The following MAPK6 variants were observed in gnomAD, a reference collection of about 807,000 sequenced individuals.
MAPK6 encodes ERK-3.
A neutral mutation model predicts 59.3 loss-of-function variants in MAPK6; 19 were observed. That is an observed-to-expected ratio of 0.32 (90% CI 0.22 to 0.47). The LOEUF (loss-of-function observed/expected upper bound fraction) is 0.47, where lower values mean the gene tolerates loss of function less well. MAPK6 is among the 20% of genes least tolerant of loss of function. The pLI, the probability that MAPK6 is intolerant of heterozygous loss-of-function variation, is 1.00. For synonymous variants in MAPK6, 316 were observed against 290.3 expected, an observed-to-expected ratio of 1.09 and a Z score of -0.90; for missense variants, 724 against 847.9, an observed-to-expected ratio of 0.85 and a Z score of 1.81.
chr15:52,046,455 T>C lies in MAPK6; in HGVS notation c.-6T>C. The C allele has an allele frequency of 1.3e-6, 2 of 1,589,010 alleles. No individual in the cohort carries two copies. Among genetic ancestry groups the C allele is most frequent in the Non-Finnish European group, 1.7e-6 (2 of 1,168,234 alleles). Reference sequence around the variant, plus strand: ...GAAAGGAAAAGGCAATAGTAAGGGTTTCAAAATGGCAGAGAAATTTGAAAG... The same window carrying C: ...GAAAGGAAAAGGCAATAGTAAGGGTCTCAAAATGGCAGAGAAATTTGAAAG... On this transcript the variant is annotated 5_prime_UTR_variant, in exon 2 of 6. Transcript: ENST00000261845.
chr15:52,030,611 C>CTTTTTT lies in MAPK6; in HGVS notation c.-632+11260_-632+11265dup, dbSNP rs11295636. On this transcript the variant is annotated intron_variant, in intron 1 of 5. Transcript: ENST00000261845. ...TGTGTTTTAGTTATGCAGAAGAAGG[C>CTTTTTT]TTTTTTTTTTTTTTTTTTTTTTTTT... Among the ~76,000 whole-genome samples the CTTTTTT allele has an allele frequency of 3.6e-4, 13 of 35,742 alleles. 1 individual carries two copies. The highest frequency in any genetic ancestry group is 1.1e-3 in the African/African-American group (10 of 8,778). The allele number at this position is 35,742 out of a possible 152,430, so 23.4% of individuals were successfully genotyped here.
chr15:51,992,583 C>T (rs1002752090), intron 2 of MAPK6, among the ~76,000 whole-genome samples: 4 of 152,008 alleles, frequency 2.6e-5, no homozygotes, highest in South Asian at 4.1e-4. Context: ...GGATTACAAG[C>T]GTGAGCCACC....
chr15:51,978,003 G>A (rs1309088882), intron 1 of MAPK6, among the ~76,000 whole-genome samples: 4 of 151,856 alleles, frequency 2.6e-5, no homozygotes, highest in African/African-American at 9.7e-5. Flanking sequence ...AACTGGTAAG[G>A]TTGCTCAAAT....
chr15:52,002,904 G>A (rs142706382), intron 2 of MAPK6, among the ~76,000 whole-genome samples: 1 of 152,042 alleles, frequency 6.6e-6, no homozygotes, highest in East Asian at 1.9e-4. Context: ...AAAACCATCA[G>A]ATCACCGGGC....
intron 2 of MAPK6, among the ~76,000 whole-genome samples, chr15:52,003,195 A>C (rs2057247621): frequency 6.6e-6 from 1 of 152,100 alleles, no homozygotes; most frequent in African/African-American, 2.4e-5. Context: ...CTTAAAAAAA[A>C]AACCAAAAAA....
upstream of MAPK6, among the ~76,000 whole-genome samples, chr15:52,016,072 A>C (rs7168704): frequency 1.3e-4 from 8 of 62,144 alleles, no homozygotes; most frequent in African/African-American, 5.2e-4. Context: ...GCGCGCGCGC[A>C]CACACACACA....
intron 2 of MAPK6, 31 bp from the exon 3 acceptor site, chr15:52,049,962 A>G (rs1566910501): frequency 6.3e-7 from 1 of 1,586,024 alleles, no homozygotes; most frequent in African/African-American, 1.3e-5. Context: ...CAGCTAAAGT[A>G]AAAAAAGTAT....
chr15:52,045,582 A>G (rs1284079466), intron 1 of MAPK6, among the ~76,000 whole-genome samples: 3 of 152,168 alleles, frequency 2.0e-5, no homozygotes, highest in Non-Finnish European at 4.4e-5. Flanking sequence ...AAATGGTACA[A>G]CCTAATGAGC....
intron 1 of MAPK6, among the ~76,000 whole-genome samples, chr15:51,980,661 G>A (rs2057170317): frequency 6.6e-6 from 1 of 150,782 alleles, no homozygotes; most frequent in African/African-American, 2.4e-5. Context: ...CAGAATCTTG[G>A]CTCACTGCAA....
chr15:52,048,463 C>CA (rs2031666469), intron 2 of MAPK6, among the ~76,000 whole-genome samples: 1 of 151,270 alleles, frequency 6.6e-6, no homozygotes, highest in Non-Finnish European at 1.5e-5. Context: ...CCTAAAAATA[C>CA]AAAATTAGCT....
intron 1 of MAPK6, among the ~76,000 whole-genome samples, chr15:51,976,451 A>G (rs934978562): frequency 6.6e-6 from 1 of 151,674 alleles, no homozygotes; most frequent in African/African-American, 2.4e-5. Context: ...GCAGAACGTA[A>G]AACTCAAACA....
At chr15:51,991,838 T>A (rs2057209701) in intron 2 of MAPK6, among the ~76,000 whole-genome samples, 1 of 152,212 alleles carries the variant, frequency 6.6e-6, no homozygotes, top group Non-Finnish European at 1.5e-5. Context: ...TGGAGCACAT[T>A]TGAGGATAAG....
In MAPK6 at chr15:52,063,954, G is replaced by A; in HGVS notation, c.1120G>A (p.Asp374Asn). The A allele has an allele frequency of 6.2e-7, 1 of 1,602,758 alleles. No individual in the cohort carries two copies. ...EHDWPVHNNF[D>N]IDEVQLDPRA... ...TGATTGGCCTGTACATAACAACTTT[G>A]ATATTGATGAAGTTCAGCTTGATCC... The change falls in exon 6 of 6, where the codon GAT becomes AAT. Residue 374 changes from aspartate (D) to asparagine (N), a missense_variant. Around this residue, in one of 4 missense-constraint regions of MAPK6, gnomAD observed 502 missense variants for 507.6 expected, o/e 0.99. Coordinates refer to ENST00000261845, the MANE Select transcript of MAPK6 (RefSeq NM_002748.4).
upstream of MAPK6, among the ~76,000 whole-genome samples, chr15:52,016,377 A>G (rs990023374): frequency 2.0e-5 from 3 of 151,904 alleles, no homozygotes; most frequent in Non-Finnish European, 4.4e-5. Context: ...TGACAAGAGC[A>G]AAACTCCATC....
At chr15:51,991,737 C>G (rs1390190043) in intron 2 of MAPK6, among the ~76,000 whole-genome samples, 3 of 152,206 alleles carry the variant, frequency 2.0e-5, no homozygotes, top group African/African-American at 7.2e-5. Context: ...TGAAGTGTGA[C>G]TTGAACGATA....
At chr15:51,994,536 C>G (rs2057219309) in intron 2 of MAPK6, among the ~76,000 whole-genome samples, 1 of 152,032 alleles carries the variant, frequency 6.6e-6, no homozygotes, top group Admixed American at 6.6e-5. Context: ...AGAGCAAGAC[C>G]CAGTATCTAA....
At chr15:52,023,211 A>T (rs1035450203) in intron 1 of MAPK6, among the ~76,000 whole-genome samples, 1 of 150,484 alleles carries the variant, frequency 6.6e-6, no homozygotes, top group Non-Finnish European at 1.5e-5. Context: ...GAGCCTTCTT[A>T]CCACTGCTAT....
At chr15:51,997,419 C>G (rs544834465) in intron 2 of MAPK6, among the ~76,000 whole-genome samples, 83 of 145,878 alleles carry the variant, frequency 5.7e-4, no homozygotes, top group Non-Finnish European at 8.3e-4. Context: ...GCCACGACAC[C>G]CAGCTAATTT....
intron 2 of MAPK6, among the ~76,000 whole-genome samples, chr15:52,002,079 A>G (rs2057243646): frequency 6.6e-6 from 1 of 152,138 alleles, no homozygotes; most frequent in African/African-American, 2.4e-5. Flanking sequence ...TTTACATGCT[A>G]CCAGAGACCC....
Sources: gnomAD v4.1 joint callset for allele counts (sites outside exome capture counted in the v4.1 genomes callset) on GRCh38, gnomAD v4.1.1 for gene constraint, gnomAD v4.1.1 regional missense constraint, MANE v1.5 for transcripts, NCBI Gene and HGNC (gene_info 2026-07-23, HGNC 2026-07-21) for gene names.